The following KAT8 variants were observed in gnomAD, a reference collection of about 807,000 sequenced individuals.
The protein encoded by KAT8 is lysine acetyltransferase 8, also known as histone acetyltransferase KAT8.
Under a neutral mutation model 62.9 loss-of-function variants are expected in KAT8, and 40 were observed. The ratio of observed to expected loss-of-function variants is 0.64; its 90% CI spans 0.49 to 0.83. The LOEUF is 0.83. Among genes scored for constraint, KAT8 ranks in the 40% least tolerant of loss-of-function variants. The pLI is 0.00. For missense variants in KAT8, 387 were observed against 614.8 expected (o/e 0.63, Z 3.92); for synonymous variants, 278 against 254.5 (o/e 1.09, Z -0.88).
rs199533975 is a variant in KAT8 at position 31,127,105 on chromosome 16, A to G, written c.516+17A>G. 3 of 1,614,160 alleles carry G rather than the reference A, an allele frequency of 1.9e-6. No homozygotes were observed. The highest frequency in any genetic ancestry group is 2.2e-5 in the East Asian group (1 of 44,868). On this transcript the variant is annotated intron_variant, in intron 4 of 10. Transcript: ENST00000219797. ...CATGAGGCGGTAAGTGGGGCTGGGAAGCTGCCTGCAGGTCCCCCGTCTCCC... is the reference window on the plus strand; with the variant it reads ...CATGAGGCGGTAAGTGGGGCTGGGAGGCTGCCTGCAGGTCCCCCGTCTCCC...
intron 1 of KAT8, among the ~76,000 whole-genome samples, 185 bp from the exon 2 acceptor site, chr16:31,120,001 A>G (rs1229462304): frequency 2.6e-5 from 4 of 152,132 alleles, no homozygotes; most frequent in African/African-American, 9.7e-5. Flanking sequence ...CATTCGTAAA[A>G]TGAGAATAAC....
At chr16:31,129,583 G>A (rs1369994081) in intron 6 of KAT8, among the ~76,000 whole-genome samples, 1 of 152,178 alleles carries the variant, frequency 6.6e-6, no homozygotes, top group African/African-American at 2.4e-5. Context: ...GACAGACAGG[G>A]CTCGAGGTTC....
chr16:31,127,119 C>G (rs963395764), intron 4 of KAT8, 31 bp downstream of exon 4: 1 of 1,609,436 alleles, frequency 6.2e-7, no homozygotes, highest in East Asian at 2.2e-5. Context: ...GCCTGCAGGT[C>G]CCCCGTCTCC....
chr16:31,127,041 G>T lies in KAT8; in HGVS notation c.469G>T (p.Ala157Ser). ...CTTTTCTTTCCTGGCCCAGACTTAT[G>T]CAGAGATGGACCCCACCACAGCAGC... is the stretch of plus-strand genomic sequence containing the variant. The part of the protein sequence containing the change: ...DEINHVQKTY[A>S]EMDPTTAALE... The change falls in exon 4 of 11, where the codon GCA (alanine) becomes TCA (serine). Residue 157 changes from alanine (A) to serine (S), a missense_variant. Transcript: ENST00000219797. 6.2e-7 allele frequency: 1 copy of T among 1,614,204 alleles called. No homozygotes were observed. Among genetic ancestry groups the T allele is most frequent in the Non-Finnish European group, 8.5e-7 (1 of 1,180,034 alleles).
At chr16:31,118,144 C>G (rs2057464513) in intron 1 of KAT8, 1 of 386,304 alleles carries the variant, frequency 2.6e-6, no homozygotes, top group Non-Finnish European at 4.6e-6. Flanking sequence ...AGGATTGTTC[C>G]CATTCCACTT....
intron 6 of KAT8, among the ~76,000 whole-genome samples, chr16:31,128,595 G>A (rs182565876): frequency 6.6e-6 from 1 of 152,276 alleles, no homozygotes; most frequent in East Asian, 1.9e-4. Flanking sequence ...CACTAGGCCT[G>A]TAGTTGGTGC....
Position 31,128,124 on chromosome 16 carries a change from T to C in KAT8, c.756T>C (p.Asp252=). Residue 252 remains aspartate (D), a synonymous_variant, in exon 6 of 11, where the codon GAT becomes GAC. Coordinates refer to ENST00000219797, the MANE Select transcript of KAT8 (RefSeq NM_032188.3). ...RKSNISVYEV[D]GKDHKIYCQN... is the part of the protein sequence containing the mutation. ...GCAACATCTCCGTGTACGAAGTTGA[T>C]GGCAAAGACCATAAGGTGAGTGGGT... 6.2e-7 allele frequency: 1 copy of C among 1,613,920 alleles called. No homozygotes were observed.
intron 3 of KAT8, among the ~76,000 whole-genome samples, chr16:31,125,196 G>GA (rs112449297): frequency 1.7e-3 from 232 of 135,542 alleles, no homozygotes; most frequent in South Asian, 8.7e-3. Flanking sequence ...TATCTCAGAA[G>GA]AAAAAAAAAA....
In KAT8 at chr16:31,117,680, C is replaced by A; in HGVS notation, c.-2C>A. 1 of 1,390,020 alleles carries A rather than the reference C, an allele frequency of 7.2e-7. No homozygotes were observed. The highest frequency in any genetic ancestry group is 3.6e-5 in the Admixed American group (1 of 28,140). The allele number at this position is 1,390,020 out of a possible 1,614,324, so 86.1% of individuals were successfully genotyped here. On this transcript the variant is annotated 5_prime_UTR_variant, in exon 1 of 11. Transcript: ENST00000219797. ...GATTCTGGCGTCACTTCCCTTCCCG[C>A]GATGGCGGCACAGGGAGCTGCTGCG...
intron 10 of KAT8, 120 bp from the exon 11 acceptor site, chr16:31,131,075 A>G (rs2057575185): frequency 6.6e-7 from 1 of 1,518,378 alleles, no homozygotes; most frequent in African/African-American, 1.4e-5. Flanking sequence ...TCCCCAGCAC[A>G]GCCTGCCCTT....
At chr16:31,129,569 A>C (rs887392165) in intron 6 of KAT8, among the ~76,000 whole-genome samples, 2 of 152,156 alleles carry the variant, frequency 1.3e-5, no homozygotes, top group Non-Finnish European at 2.9e-5. Flanking sequence ...AGTGCAGCCA[A>C]GTGGACAGAC....
chr16:31,128,646 T>C (rs1034750132), intron 6 of KAT8, among the ~76,000 whole-genome samples: 1 of 152,198 alleles, frequency 6.6e-6, no homozygotes, highest in South Asian at 2.1e-4. Flanking sequence ...AAGACTCTTC[T>C]GCTGGTGGGG....
In KAT8 at chr16:31,128,183, G is replaced by A. The variant is rs1445208471; in HGVS notation, c.771+44G>A. ...GTTGGGAGAGGCCGGGGAGGCCCTG[G>A]GCACCTCCCAGATGATCCTCATCAC... On this transcript the variant is annotated intron_variant, in intron 6 of 10. Coordinates refer to ENST00000219797, the MANE Select transcript of KAT8 (RefSeq NM_032188.3). The A allele has an allele frequency of 2.7e-6, 4 of 1,457,600 alleles. No homozygotes were observed. In the Admixed American group the frequency reaches 5.3e-5, roughly 19 times the overall value. The allele number at this position is 1,457,600 out of a possible 1,614,324, so 90.3% of individuals were successfully genotyped here.
chr16:31,117,774 T>G lies in KAT8; in HGVS notation c.93T>G (p.Ala31=). The change falls in exon 1 of 11, where the codon GCT becomes GCG. Residue 31 remains alanine (A), a synonymous_variant. Transcript: ENST00000219797. The stretch of plus-strand genomic sequence containing the variant: ...CCGGGCCCGGGGAGAATGCGGCCGC[T>G]GAGGGGACCGCCCCATCCCCGGGCC... The part of the protein sequence containing the change: ...GEPGPGENAA[A]EGTAPSPGRV... 7.2e-7 allele frequency: 1 copy of G among 1,380,610 alleles called. No individual in the cohort carries two copies. The highest frequency in any genetic ancestry group is 9.5e-7 in the Non-Finnish European group (1 of 1,057,034). 85.5% of individuals were successfully genotyped at this position (1,380,610 alleles called of 1,614,324 possible). A position where few individuals can be genotyped will look rare whatever the true frequency, so the allele number is the denominator to read the frequency against.
chr16:31,117,988 G>T (rs1350848391), intron 1 of KAT8, 96 bp downstream of exon 1: 3 of 975,016 alleles, frequency 3.1e-6, no homozygotes, highest in South Asian at 3.6e-5. Flanking sequence ...CCAAGATCCG[G>T]GGGCTGGGAG....
intron 6 of KAT8, 124 bp from the exon 7 acceptor site, chr16:31,129,893 C>A: frequency 9.6e-7 from 1 of 1,040,582 alleles, no homozygotes; most frequent in Non-Finnish European, 1.5e-6. Flanking sequence ...AGACTCCTTC[C>A]AGTGTGAAAT....
At chr16:31,118,070 G>A (rs1045763043) in intron 1 of KAT8, 178 bp downstream of exon 1, 3 of 463,690 alleles carry the variant, frequency 6.5e-6, no homozygotes, top group Non-Finnish European at 1.1e-5. Flanking sequence ...GCCGGGTTGT[G>A]GGAGGCTGTT....
At chr16:31,127,148 G>C in intron 4 of KAT8, 41 bp from the exon 5 acceptor site, 1 of 1,609,586 alleles carries the variant, frequency 6.2e-7, no homozygotes, top group Non-Finnish European at 8.5e-7. Context: ...AGGAGCCCCT[G>C]CTGAGCCGTG....
intron 3 of KAT8, among the ~76,000 whole-genome samples, chr16:31,124,340 G>T (rs947023774): frequency 2.0e-5 from 3 of 152,152 alleles, no homozygotes; most frequent in Non-Finnish European, 4.4e-5. Context: ...TCATTGTGAG[G>T]AACAAAATGA....
Sources: gnomAD v4.1 joint callset for allele counts (sites outside exome capture counted in the v4.1 genomes callset) on GRCh38, gnomAD v4.1.1 for gene constraint, MANE v1.5 for transcripts, NCBI Gene and HGNC (gene_info 2026-07-23, HGNC 2026-07-21) for gene names.